FHIT: variants seen among roughly 807,000 people sequenced by gnomAD.
FHIT encodes the protein bis(5'-adenosyl)-triphosphatase.
Under a neutral mutation model 17.9 loss-of-function variants are expected in FHIT, and 19 were observed. The ratio of observed to expected loss-of-function variants is 1.06; its 90% CI spans 0.74 to 1.56. FHIT has a LOEUF of 1.56. Ranked by LOEUF, FHIT falls within the 40% of genes most tolerant of loss-of-function variation. The pLI, the probability that FHIT is intolerant of heterozygous loss-of-function variation, is 0.00. For missense variants in FHIT, 248 were observed against 189.2 expected (o/e 1.31, Z -1.82); for synonymous variants, 81 against 69.7 (o/e 1.16, Z -0.81).
intron 5 of FHIT, among the ~76,000 whole-genome samples, chr3:60,206,146 AATAAATAAT>A (rs1348195421): frequency 2.4e-5 from 3 of 123,174 alleles, no homozygotes; most frequent in Non-Finnish European, 5.1e-5. Context: ...AAAAAAAAAA[AATAAATAAT>A]AATAATAATA....
chr3:60,929,628 T>G (rs1451139370), intron 3 of FHIT, among the ~76,000 whole-genome samples: 12 of 152,072 alleles, frequency 7.9e-5, no homozygotes, highest in East Asian at 1.9e-4. Context: ...TCAAAGAGAA[T>G]AAAATACCTA....
At chr3:61,195,196 T>A (rs2038821034) in intron 2 of FHIT, among the ~76,000 whole-genome samples, 1 of 151,686 alleles carries the variant, frequency 6.6e-6, no homozygotes. Flanking sequence ...TTGTACCAGA[T>A]AAAGCAACAA....
chr3:59,892,542 T>C (rs988855575), intron 8 of FHIT, among the ~76,000 whole-genome samples: 6 of 152,060 alleles, frequency 3.9e-5, no homozygotes, highest in African/African-American at 1.2e-4. Flanking sequence ...GGTTAGGGGG[T>C]AGAATCTATT....
intron 4 of FHIT, among the ~76,000 whole-genome samples, chr3:60,766,672 C>G (rs1226443803): frequency 6.6e-6 from 1 of 151,922 alleles, no homozygotes; most frequent in Non-Finnish European, 1.5e-5. Context: ...AGTCTCAAGG[C>G]CACATCTGAC....
rs1704085177 is a variant in FHIT, at chr3:60,099,082, C to A, written c.104-84930G>T. ...AGTATAACTGCCTCTGCCTCTTCAC[C>A]CCATCTCCCACTGTGCCTAAAACCC... On this transcript the variant is annotated intron_variant, in intron 5 of 9. Coordinates refer to ENST00000492590, the MANE Select transcript of FHIT (RefSeq NM_002012.4). Among the ~76,000 whole-genome samples, 2 of 152,086 alleles carry A rather than the reference C, an allele frequency of 1.3e-5. 1 individual carries two copies.
At chr3:60,614,314 A>G (rs908594628) in intron 4 of FHIT, among the ~76,000 whole-genome samples, 6 of 152,222 alleles carry the variant, frequency 3.9e-5, no homozygotes, top group Admixed American at 2.6e-4. Flanking sequence ...CTAAGACTTA[A>G]GAATAACCTA....
chr3:60,510,665 C>T (rs912839437), intron 5 of FHIT, among the ~76,000 whole-genome samples: 6 of 152,122 alleles, frequency 3.9e-5, no homozygotes, highest in African/African-American at 9.7e-5. Context: ...TATTTACTAG[C>T]TGAAGGGCTG....
At chr3:60,794,904 T>C (rs1360215040) in intron 4 of FHIT, among the ~76,000 whole-genome samples, 16 of 152,206 alleles carry the variant, frequency 1.1e-4, no homozygotes, top group African/African-American at 3.9e-4. Context: ...ACATGTACTG[T>C]GTATCAAATT....
At chr3:60,239,993 A>G (rs900178779) in intron 5 of FHIT, among the ~76,000 whole-genome samples, 1 of 152,204 alleles carries the variant, frequency 6.6e-6, no homozygotes, top group Non-Finnish European at 1.5e-5. Flanking sequence ...CAAATGACAG[A>G]GCAAATTCAC....
intron 5 of FHIT, among the ~76,000 whole-genome samples, chr3:60,284,844 C>T (rs370663659): frequency 1.2e-4 from 19 of 152,054 alleles, no homozygotes; most frequent in African/African-American, 4.6e-4. Context: ...CAATACTGTA[C>T]TAGAATTTTG....
In FHIT at chr3:60,122,329, G is replaced by A. The variant is rs150585867; in HGVS notation, c.104-108177C>T. 2.7e-4 allele frequency among the ~76,000 whole-genome samples: 41 copies of A among 152,230 alleles called. No homozygotes were observed. The East Asian group carries it at 7.9e-3, about 29-fold the overall frequency. On this transcript the variant is annotated intron_variant, in intron 5 of 9. Coordinates refer to ENST00000492590, the MANE Select transcript of FHIT (RefSeq NM_002012.4). ...GTCTGGGGCAAAGCAGGGAATTGTG[G>A]GAAATGTAAAACAAATTTGTGTTGA...
At chr3:59,942,052 T>C (rs1055204580) in intron 7 of FHIT, among the ~76,000 whole-genome samples, 79 of 152,298 alleles carry the variant, frequency 5.2e-4, no homozygotes, top group African/African-American at 1.8e-3. Flanking sequence ...TCACGATCTA[T>C]AGTAACCCAA....
At chr3:59,893,659 T>C (rs1272317956) in intron 8 of FHIT, among the ~76,000 whole-genome samples, 2 of 152,222 alleles carry the variant, frequency 1.3e-5, no homozygotes, top group Non-Finnish European at 2.9e-5. Context: ...CAATACCATT[T>C]CCACTGATTA....
intron 4 of FHIT, among the ~76,000 whole-genome samples, chr3:60,560,213 A>T (rs1035413440): frequency 2.0e-5 from 3 of 152,158 alleles, no homozygotes; most frequent in African/African-American, 7.2e-5. Flanking sequence ...ATGTGGTGTT[A>T]ACTAATTAGT....
intron 5 of FHIT, among the ~76,000 whole-genome samples, chr3:60,421,046 T>G: frequency 6.7e-6 from 1 of 150,260 alleles, no homozygotes; most frequent in African/African-American, 2.5e-5. Flanking sequence ...TTTTTTTTTT[T>G]TCTAAAGAGA....
At chr3:60,709,966 T>C (rs975418319) in intron 4 of FHIT, among the ~76,000 whole-genome samples, 6 of 152,014 alleles carry the variant, frequency 3.9e-5, no homozygotes, top group Admixed American at 1.3e-4. Flanking sequence ...GGTAGCTGGT[T>C]CATTTCACTA....
chr3:59,952,878 C>T (rs982405795), intron 7 of FHIT, among the ~76,000 whole-genome samples: 14 of 151,986 alleles, frequency 9.2e-5, no homozygotes, highest in East Asian at 5.8e-4. Context: ...CTGTGTGGGA[C>T]GGCAGCCAGT....
intron 8 of FHIT, among the ~76,000 whole-genome samples, chr3:59,762,869 G>A (rs1224975714): frequency 3.3e-5 from 5 of 152,186 alleles, no homozygotes; most frequent in African/African-American, 1.2e-4. Flanking sequence ...AAAGGGACTA[G>A]AGATCTCTGC....
chr3:60,782,559 T>C (rs1047705154), intron 4 of FHIT, among the ~76,000 whole-genome samples: 25 of 152,298 alleles, frequency 1.6e-4, no homozygotes, highest in African/African-American at 5.5e-4. Flanking sequence ...TCCTTTTCTT[T>C]CGGCCCTTAA....
Sources: gnomAD v4.1 joint callset for allele counts (sites outside exome capture counted in the v4.1 genomes callset) on GRCh38, gnomAD v4.1.1 for gene constraint, MANE v1.5 for transcripts, NCBI Gene and HGNC (gene_info 2026-07-23, HGNC 2026-07-21) for gene names.